CSMD1: variants seen among roughly 807,000 people sequenced by gnomAD.
The protein encoded by CSMD1 is CUB and sushi domain-containing protein 1.
Under a neutral mutation model 417.5 loss-of-function variants are expected in CSMD1, and 213 were observed. The ratio of observed to expected loss-of-function variants is 0.51; its 90% CI spans 0.46 to 0.57. The LOEUF (loss-of-function observed/expected upper bound fraction) is 0.57. Ranked by LOEUF, CSMD1 falls within the 20% of genes least tolerant of loss-of-function variation. The pLI, the probability that CSMD1 is intolerant of heterozygous loss-of-function variation, is 0.00. For synonymous variants in CSMD1, 2,862 were observed against 1,736.8 expected, an observed-to-expected ratio of 1.65 and a Z score of -16.11; for missense variants, 6,923 against 4,529.7, an observed-to-expected ratio of 1.53 and a Z score of -15.17.
At chr8:4,757,813 G>T (rs77661773) in intron 1 of CSMD1, among the ~76,000 whole-genome samples, 4 of 151,844 alleles carry the variant, frequency 2.6e-5, no homozygotes, top group Non-Finnish European at 2.9e-5. Flanking sequence ...AGGAAAATTA[G>T]CGAGGCACGG....
At chr8:3,154,051 C>A (rs928029395) in intron 39 of CSMD1, among the ~76,000 whole-genome samples, 1 of 152,214 alleles carries the variant, frequency 6.6e-6, no homozygotes, top group Non-Finnish European at 1.5e-5. Context: ...ACTGCAACCT[C>A]CGCCTCCCTG....
chr8:4,020,263 C>A (rs1198100422), intron 4 of CSMD1, among the ~76,000 whole-genome samples: 1 of 152,220 alleles, frequency 6.6e-6, no homozygotes, highest in African/African-American at 2.4e-5. Flanking sequence ...ATTGACAGCA[C>A]TGGGATTTGC....
Position 4,539,134 on chromosome 8 carries a change from G to T in CSMD1, c.302+98208C>A, listed in dbSNP as rs191780874. Among the ~76,000 whole-genome samples, 102 of 152,258 alleles carry T rather than the reference G, an allele frequency of 6.7e-4. 1 individual carries two copies. Among genetic ancestry groups the T allele is most frequent in the African/African-American group, 2.3e-3 (97 of 41,562 alleles). Reference sequence around the variant, plus strand: ...TAGCTTAGCATATTCTGTGGAAAAAGCTAAAAATGGATTTTTTTGTGGGTG... The same window carrying T: ...TAGCTTAGCATATTCTGTGGAAAAATCTAAAAATGGATTTTTTTGTGGGTG... On this transcript the variant is annotated intron_variant, in intron 2 of 69. Transcript: ENST00000635120.
chr8:4,004,854 C>G (rs955614016), intron 4 of CSMD1, among the ~76,000 whole-genome samples: 4 of 152,152 alleles, frequency 2.6e-5, no homozygotes, highest in South Asian at 2.1e-4. Flanking sequence ...ACGCCATTCT[C>G]CTGCCTCAGC....
At chr8:4,002,137 G>C (rs1054801961) in intron 4 of CSMD1, among the ~76,000 whole-genome samples, 2 of 152,082 alleles carry the variant, frequency 1.3e-5, no homozygotes, top group Non-Finnish European at 2.9e-5. Flanking sequence ...GTACTCATGG[G>C]ATAAAATGCT....
chr8:3,245,505 C>G (rs537011859), intron 26 of CSMD1, among the ~76,000 whole-genome samples: 6 of 152,284 alleles, frequency 3.9e-5, no homozygotes, highest in African/African-American at 1.2e-4. Flanking sequence ...AAATAAGCCT[C>G]CTGTCAGCTT....
chr8:3,634,503 C>T (rs910202599), intron 7 of CSMD1, among the ~76,000 whole-genome samples: 3 of 152,200 alleles, frequency 2.0e-5, no homozygotes, highest in African/African-American at 7.2e-5. Context: ...TTTGAACCTG[C>T]TGTCTCCCGG....
chr8:3,550,787 G>T (rs1022756784), intron 10 of CSMD1, among the ~76,000 whole-genome samples: 1 of 152,128 alleles, frequency 6.6e-6, no homozygotes, highest in East Asian at 1.9e-4. Context: ...ATCCTTCCTG[G>T]GTCACAGACA....
At chr8:3,686,980 A>T (rs1368219636) in intron 7 of CSMD1, among the ~76,000 whole-genome samples, 1 of 152,232 alleles carries the variant, frequency 6.6e-6, no homozygotes, top group African/African-American at 2.4e-5. Flanking sequence ...AAGCTTGTTC[A>T]AACGTATCAG....
At chr8:4,493,625 T>C (rs1458069056) in intron 2 of CSMD1, among the ~76,000 whole-genome samples, 2 of 152,286 alleles carry the variant, frequency 1.3e-5, no homozygotes, top group Admixed American at 6.5e-5. Flanking sequence ...AGGCCAGGAA[T>C]TTGATGCTGG....
intron 3 of CSMD1, among the ~76,000 whole-genome samples, chr8:4,187,946 G>C (rs1173716387): frequency 6.6e-6 from 1 of 151,964 alleles, no homozygotes; most frequent in Admixed American, 6.6e-5. Context: ...CCTATTACAA[G>C]TGGTAGATAC....
At chr8:4,759,642 C>A (rs1361795328) in intron 1 of CSMD1, among the ~76,000 whole-genome samples, 3 of 152,160 alleles carry the variant, frequency 2.0e-5, no homozygotes, top group Non-Finnish European at 4.4e-5. Context: ...TCAACTCCCA[C>A]TTATAAGTGA....
At chr8:3,231,370 CA>C (rs918887058) in intron 26 of CSMD1, among the ~76,000 whole-genome samples, 5 of 149,184 alleles carry the variant, frequency 3.4e-5, no homozygotes, top group African/African-American at 4.9e-5. Flanking sequence ...TATGAAAGAG[CA>C]AAAAAAAAGA....
chr8:4,773,740 C>T (rs1441735182), intron 1 of CSMD1, among the ~76,000 whole-genome samples: 2 of 152,128 alleles, frequency 1.3e-5, no homozygotes, highest in Non-Finnish European at 2.9e-5. Context: ...ACCCATTTCC[C>T]TTAAATACTG....
intron 3 of CSMD1, among the ~76,000 whole-genome samples, chr8:4,248,259 C>G (rs1166511713): frequency 6.6e-6 from 1 of 152,098 alleles, no homozygotes; most frequent in East Asian, 1.9e-4. Flanking sequence ...ACATTCAAGT[C>G]TTAATTTCTA....
intron 6 of CSMD1, among the ~76,000 whole-genome samples, chr8:3,714,963 A>G (rs1801743496): frequency 6.6e-6 from 1 of 152,158 alleles, no homozygotes; most frequent in African/African-American, 2.4e-5. Context: ...TTCTAGGAGC[A>G]TTTACACTAT....
At chr8:4,392,093 C>A (rs1563125292) in intron 3 of CSMD1, among the ~76,000 whole-genome samples, 2 of 152,138 alleles carry the variant, frequency 1.3e-5, no homozygotes, top group African/African-American at 4.8e-5. Context: ...CATGAGTGTC[C>A]AAGGAAAGAC....
intron 27 of CSMD1, among the ~76,000 whole-genome samples, chr8:3,227,075 C>T (rs947373628): frequency 1.3e-5 from 2 of 151,970 alleles, no homozygotes; most frequent in African/African-American, 2.4e-5. Flanking sequence ...TGGCTGATGG[C>T]AGGTTAAATC....
intron 15 of CSMD1, among the ~76,000 whole-genome samples, chr8:3,405,324 ATGAG>A (rs762801437): frequency 1.6e-4 from 25 of 152,226 alleles, no homozygotes; most frequent in Non-Finnish European, 2.6e-4. Flanking sequence ...CATTTTTAAA[ATGAG>A]TAATTATTAG....
Sources: gnomAD v4.1 joint callset for allele counts (sites outside exome capture counted in the v4.1 genomes callset) on GRCh38, gnomAD v4.1.1 for gene constraint, MANE v1.5 for transcripts, NCBI Gene and HGNC (gene_info 2026-07-23, HGNC 2026-07-21) for gene names.